TTC12: variants seen among roughly 807,000 people sequenced by gnomAD.
The protein encoded by TTC12 is tetratricopeptide repeat domain 12.
A neutral mutation model predicts 90.1 loss-of-function variants in TTC12; 70 were observed. The ratio of observed to expected loss-of-function variants is 0.78; its 90% confidence interval spans 0.64 to 0.95. TTC12 has a LOEUF of 0.95. Among genes scored for constraint, TTC12 ranks in the 40% least tolerant of loss-of-function variants. The pLI is 0.00. For synonymous variants in TTC12, 296 were observed against 311.5 expected (o/e 0.95, Z 0.53); for missense variants, 819 against 846.1 (o/e 0.97, Z 0.40).
intron 2 of TTC12, among the ~76,000 whole-genome samples, chr11:113,321,938 G>T (rs1947360760): frequency 6.6e-6 from 1 of 152,138 alleles, no homozygotes; most frequent in Non-Finnish European, 1.5e-5. Context: ...AGCTCAAATT[G>T]TTGACATAGA....
In TTC12 at chr11:113,350,085, G is replaced by A. The variant is rs1465356557; in HGVS notation, c.1167G>A (p.Ala389=). 9.3e-6 allele frequency: 15 copies of A among 1,613,522 alleles called. No individual in the cohort carries two copies. Among genetic ancestry groups the A allele is most frequent in the East Asian group, 2.2e-5 (1 of 44,900 alleles). The change falls in exon 14 of 22, where the codon GCG becomes GCA. Residue 389 remains alanine, a synonymous_variant. Coordinates refer to ENST00000529221, the MANE Select transcript of TTC12 (RefSeq NM_017868.4). ...TGGTTTTTTGCAGATTATTGGAAGCGCTGGTGTCATTTCTTGATTTCTCGG... is the reference window on the plus strand; with the variant it reads ...TGGTTTTTTGCAGATTATTGGAAGCACTGGTGTCATTTCTTGATTTCTCGG... ...NHLDLTRLLE[A]LVSFLDFSDK... is the part of the protein sequence containing the mutation.
In TTC12 at chr11:113,324,024, A is replaced by G. The variant is rs1237507134; in HGVS notation, c.244+9A>G. 3 of 1,609,176 alleles carry G rather than the reference A, an allele frequency of 1.9e-6. No individual in the cohort carries two copies. Among genetic ancestry groups the G allele is most frequent in the African/African-American group, 1.3e-5 (1 of 74,816 alleles). ...AGAAGAAATAAACTCAGGTAAGGAC[A>G]GCATCTCTCTTCCCAATTTTCATTC... On this transcript the variant is annotated intron_variant, in intron 4 of 21. Transcript: ENST00000529221.
At chr11:113,367,927 G>A (rs759070853), downstream of TTC12, among the ~76,000 whole-genome samples, 1 of 152,226 alleles carries the variant, frequency 6.6e-6, no homozygotes, top group East Asian at 1.9e-4. Context: ...AAGGGAGAAC[G>A]GCTCGATGCT....
At chr11:113,351,394 G>A (rs1271909773) in intron 15 of TTC12, 95 bp downstream of exon 15, 5 of 1,014,180 alleles carry the variant, frequency 4.9e-6, no homozygotes, top group Non-Finnish European at 7.7e-6. Context: ...AACAACTATT[G>A]TCTCTCGGTT....
chr11:113,324,300 A>G (rs1487445788), intron 4 of TTC12: 1 of 540,062 alleles, frequency 1.9e-6, no homozygotes, highest in Non-Finnish European at 3.2e-6. Context: ...TGCTCAGCTC[A>G]GAAGCTCATT....
At chr11:113,371,807 G>C (rs138270576) in intron 21 of TTC12, among the ~76,000 whole-genome samples, 5 of 152,100 alleles carry the variant, frequency 3.3e-5, no homozygotes, top group Admixed American at 3.3e-4. Flanking sequence ...TTAGCCCCTC[G>C]ATTGCCTTGT....
chr11:113,319,188 C>G (rs893157536), intron 2 of TTC12, among the ~76,000 whole-genome samples: 1 of 152,160 alleles, frequency 6.6e-6, no homozygotes, highest in African/African-American at 2.4e-5. Flanking sequence ...TCCCCAAATC[C>G]TGTAACTCCA....
intron 21 of TTC12, among the ~76,000 whole-genome samples, chr11:113,365,881 G>T (rs1950177444): frequency 6.6e-6 from 1 of 152,208 alleles, no homozygotes; most frequent in Non-Finnish European, 1.5e-5. Context: ...TCAAATGGAA[G>T]GAATAGTTAA....
intron 13 of TTC12, among the ~76,000 whole-genome samples, chr11:113,345,794 C>T (rs782689580): frequency 1.3e-5 from 2 of 152,118 alleles, no homozygotes; most frequent in Non-Finnish European, 2.9e-5. Context: ...GTTTTTGTCT[C>T]TTTGAGTAAA....
intron 13 of TTC12, among the ~76,000 whole-genome samples, chr11:113,346,077 C>T (rs1555148023): frequency 6.6e-6 from 1 of 152,192 alleles, no homozygotes; most frequent in African/African-American, 2.4e-5. Context: ...CACATAGCCC[C>T]TTGACCGTCA....
chr11:113,364,034 C>G, intron 20 of TTC12, 107 bp downstream of exon 20: 1 of 713,850 alleles, frequency 1.4e-6, no homozygotes, highest in Non-Finnish European at 2.4e-6. Context: ...ATGCTGTTAA[C>G]CTCTCCCAGA....
At chr11:113,331,484 G>A (rs782569691) in intron 7 of TTC12, among the ~76,000 whole-genome samples, 2 of 152,140 alleles carry the variant, frequency 1.3e-5, no homozygotes, top group Non-Finnish European at 2.9e-5. Flanking sequence ...TAAGTAACTT[G>A]TGCAGGATCA....
chr11:113,323,943 A>G, intron 3 of TTC12, 51 bp from the exon 4 acceptor site: 1 of 1,455,972 alleles, frequency 6.9e-7, no homozygotes, highest in Non-Finnish European at 9.6e-7. Context: ...TATAAATTAG[A>G]GTGGTTTTTG....
chr11:113,328,607 T>C (rs78636309), intron 6 of TTC12, among the ~76,000 whole-genome samples: 3 of 152,188 alleles, frequency 2.0e-5, no homozygotes, highest in African/African-American at 7.2e-5. Flanking sequence ...TTTATTATCT[T>C]TTGATAACAG....
chr11:113,366,422 C>T, downstream of TTC12: 2 of 1,522,084 alleles, frequency 1.3e-6, no homozygotes, highest in South Asian at 2.5e-5. Flanking sequence ...AGAGTGTTTG[C>T]ATTTCAGGTT....
At chr11:113,320,055 A>G (rs1404833092) in intron 2 of TTC12, among the ~76,000 whole-genome samples, 2 of 152,230 alleles carry the variant, frequency 1.3e-5, no homozygotes, top group African/African-American at 4.8e-5. Flanking sequence ...AATCTCTTCA[A>G]CAACATATTC....
chr11:113,352,346 C>T (rs565505312), intron 16 of TTC12, 139 bp downstream of exon 16: 30 of 1,025,802 alleles, frequency 2.9e-5, no homozygotes, highest in African/African-American at 1.8e-4. Context: ...TCTGTAACCA[C>T]GGATTTTATG....
chr11:113,346,057 A>G (rs1565606419), intron 13 of TTC12, among the ~76,000 whole-genome samples: 1 of 152,178 alleles, frequency 6.6e-6, no homozygotes, highest in African/African-American at 2.4e-5. Flanking sequence ...GAAGCAAGAC[A>G]GGGCTGCTGC....
At chr11:113,359,788 G>A in intron 17 of TTC12, 152 bp from the exon 18 acceptor site, 1 of 643,730 alleles carries the variant, frequency 1.6e-6, no homozygotes, top group Admixed American at 2.9e-5. Context: ...CAGACATGGG[G>A]AGGAATAAAA....
Sources: gnomAD v4.1 joint callset for allele counts (sites outside exome capture counted in the v4.1 genomes callset) on GRCh38, gnomAD v4.1.1 for gene constraint, MANE v1.5 for transcripts, NCBI Gene and HGNC (gene_info 2026-07-23, HGNC 2026-07-21) for gene names.